Variants in ODAD2 observed in about 807,000 individuals in gnomAD.
ODAD2 encodes outer dynein arm docking complex subunit 2.
A neutral mutation model predicts 106.8 loss-of-function variants in ODAD2; 89 were observed. That is an observed-to-expected ratio of 0.83 (90% CI 0.70 to 0.99). The LOEUF is 0.99. Ranked by LOEUF, ODAD2 falls within the 50% of genes least tolerant of loss-of-function variation. ODAD2 has a pLI of 0.00. For synonymous variants in ODAD2, 404 were observed against 436.2 expected, an observed-to-expected ratio of 0.93 and a Z score of 0.92; for missense variants, 1,168 against 1,238.5, an observed-to-expected ratio of 0.94 and a Z score of 0.85.
intron 19 of ODAD2, among the ~76,000 whole-genome samples, chr10:27,827,455 T>C (rs889622755): frequency 1.3e-5 from 2 of 150,470 alleles, no homozygotes; most frequent in Non-Finnish European, 3.0e-5. Flanking sequence ...TCAAAGCCAT[T>C]GTGTCCCAAA....
At chr10:27,827,379 C>CACTATATATATATATATATA (rs1239159370) in intron 19 of ODAD2, among the ~76,000 whole-genome samples, 62 of 132,438 alleles carry the variant, frequency 4.7e-4, no homozygotes, top group African/African-American at 1.8e-3. Context: ...CACACACACA[C>CACTATATATATATATATATA]TATATATATA....
At position 27,862,666 on chromosome 10, in the gene ODAD2, C is replaced by T. The variant is rs778396983; in HGVS notation, c.2611-44G>A. ...AAAGATGGTATCAAAACTAAACCTA[C>T]ATTTAGGCATTTTTTAAGAGGCAGA... On this transcript the variant is annotated intron_variant, in intron 17 of 19. Coordinates refer to ENST00000305242, the MANE Select transcript of ODAD2 (RefSeq NM_018076.5). 9 of 1,449,750 alleles carry T rather than the reference C, an allele frequency of 6.2e-6. No individual in the cohort carries two copies. The East Asian group carries it at 2.2e-4, about 35-fold the overall frequency. The allele number at this position is 1,449,750 out of a possible 1,614,324, so 89.8% of individuals were successfully genotyped here. A position where few individuals can be genotyped will look rare whatever the true frequency, so the allele number is the denominator to read the frequency against.
intron 18 of ODAD2, among the ~76,000 whole-genome samples, chr10:27,861,723 C>T (rs1840058583): frequency 1.3e-5 from 2 of 152,128 alleles, no homozygotes; most frequent in South Asian, 4.1e-4. Context: ...TACGTAATTG[C>T]CCTGTAATGG....
At chr10:27,833,690 C>T (rs1357133301) in intron 19 of ODAD2, among the ~76,000 whole-genome samples, 2 of 152,174 alleles carry the variant, frequency 1.3e-5, no homozygotes, top group African/African-American at 2.4e-5. Flanking sequence ...CTATGTTCTG[C>T]TCTGTGGCAG....
chr10:27,961,784 G>A, intron 9 of ODAD2, 69 bp from the exon 10 acceptor site: 9 of 1,366,442 alleles, frequency 6.6e-6, no homozygotes, highest in Non-Finnish European at 9.1e-6. Context: ...CCTACATGGG[G>A]CCAGGTGCAG....
chr10:27,935,683 G>C (rs73606010), intron 15 of ODAD2, among the ~76,000 whole-genome samples: 1,809 of 146,906 alleles, frequency 0.012, 38 homozygotes, highest in African/African-American at 0.044. Flanking sequence ...GAAATGAGTA[G>C]TAGCTTGTGC....
chr10:27,845,154 T>C (rs1335645037), intron 19 of ODAD2, among the ~76,000 whole-genome samples: 2 of 151,538 alleles, frequency 1.3e-5, no homozygotes, highest in Non-Finnish European at 2.9e-5. Flanking sequence ...GGAAAAAATG[T>C]TAAGTGCAGC....
intron 17 of ODAD2, among the ~76,000 whole-genome samples, chr10:27,877,025 G>T (rs377205183): frequency 3.3e-5 from 5 of 151,994 alleles, no homozygotes; most frequent in African/African-American, 1.2e-4. Context: ...ATAGGCTCAT[G>T]TCTATCACTC....
intron 7 of ODAD2, among the ~76,000 whole-genome samples, chr10:27,977,287 G>A (rs976278431): frequency 1.1e-4 from 16 of 152,020 alleles, no homozygotes; most frequent in Admixed American, 5.9e-4. Context: ...AGACTCGGCC[G>A]GGCACGGTGG....
intron 17 of ODAD2, among the ~76,000 whole-genome samples, chr10:27,885,723 A>ATATAT (rs1842120633): frequency 8.0e-5 from 3 of 37,702 alleles, no homozygotes; most frequent in African/African-American, 2.4e-4. Flanking sequence ...ATTATATATT[A>ATATAT]TATATAAAAT....
chr10:27,969,703 C>G (rs570670018), intron 8 of ODAD2, among the ~76,000 whole-genome samples: 1 of 152,250 alleles, frequency 6.6e-6, no homozygotes, highest in South Asian at 2.1e-4. Flanking sequence ...TCCCAGAATC[C>G]CTGCAGGAGA....
At chr10:27,857,162 C>T (rs2133285245) in intron 19 of ODAD2, among the ~76,000 whole-genome samples, 1 of 152,264 alleles carries the variant, frequency 6.6e-6, no homozygotes, top group East Asian at 1.9e-4. Flanking sequence ...CAACTTCTTC[C>T]TCCTCCTCTT....
intron 16 of ODAD2, among the ~76,000 whole-genome samples, chr10:27,931,124 A>AAAAGAAAG (rs369323142): frequency 4.6e-5 from 7 of 152,228 alleles, no homozygotes; most frequent in East Asian, 3.9e-4. Context: ...CTCTTAAAAA[A>AAAAGAAAG]AAAGAAAGAA....
intron 19 of ODAD2, among the ~76,000 whole-genome samples, chr10:27,852,292 G>A (rs995811255): frequency 1.4e-4 from 22 of 152,112 alleles, no homozygotes; most frequent in Non-Finnish European, 2.4e-4. Context: ...ATTTTCCTGT[G>A]TATTTAAATC....
intron 9 of ODAD2, among the ~76,000 whole-genome samples, chr10:27,966,746 T>C (rs1488185348): frequency 6.6e-6 from 1 of 152,322 alleles, no homozygotes; most frequent in Admixed American, 6.5e-5. Flanking sequence ...CTTTACCTTA[T>C]CTATTACCCT....
chr10:27,941,250 G>A (rs1362593205), intron 12 of ODAD2, among the ~76,000 whole-genome samples: 1 of 151,808 alleles, frequency 6.6e-6, no homozygotes, highest in Non-Finnish European at 1.5e-5. Context: ...TTAGGAGCTC[G>A]AGGTGGGAGG....
At chr10:27,988,069 A>G (rs1367913568) in intron 2 of ODAD2, among the ~76,000 whole-genome samples, 1 of 150,124 alleles carries the variant, frequency 6.7e-6, no homozygotes, top group African/African-American at 2.5e-5. Context: ...TCCCACTCTA[A>G]ACTTCTTTAT....
At chr10:27,820,875 C>T (rs548275912) in intron 19 of ODAD2, among the ~76,000 whole-genome samples, 8 of 150,896 alleles carry the variant, frequency 5.3e-5, no homozygotes, top group Non-Finnish European at 1.0e-4. Flanking sequence ...CTCTGACTCC[C>T]GGATTCAAGC....
At position 27,859,024 on chromosome 10, in the gene ODAD2, A is replaced by G. The variant is rs150567841; in HGVS notation, c.3021+1601T>C. Among the ~76,000 whole-genome samples, 416 of 149,300 alleles carry G rather than the reference A, an allele frequency of 2.8e-3. 2 individuals carry two copies. Among genetic ancestry groups the G allele is most frequent in the African/African-American group, 9.5e-3 (386 of 40,460 alleles). On this transcript the variant is annotated intron_variant, in intron 19 of 19. Transcript: ENST00000305242. Reference sequence around the variant, plus strand: ...TCTAAGCATATGCTATATGTCAGACATTTTTACCTGGCTACTTAAATTTTA... The same window carrying G: ...TCTAAGCATATGCTATATGTCAGACGTTTTTACCTGGCTACTTAAATTTTA...
Sources: allele counts gnomAD v4.1 joint callset (sites outside exome capture counted in the v4.1 genomes callset), GRCh38; gene constraint gnomAD v4.1.1; transcripts MANE v1.5; gene names NCBI Gene and HGNC (gene_info 2026-07-23, HGNC 2026-07-21).